CREBBP: variants seen among roughly 807,000 people sequenced by gnomAD.
CREBBP encodes CREB binding lysine acetyltransferase.
CREBBP carries 19 observed loss-of-function variants against 265.0 expected under a neutral mutation model. The observed-to-expected ratio is 0.07, with a 90% CI of 0.05 to 0.11. The LOEUF (loss-of-function observed/expected upper bound fraction) is 0.11. CREBBP is among the 10% of genes least tolerant of loss of function. CREBBP has a pLI of 1.00. For missense variants in CREBBP, 2,525 were observed against 3,219.0 expected, an observed-to-expected ratio of 0.78 and a Z score of 5.22; for synonymous variants, 1,457 against 1,223.7, an observed-to-expected ratio of 1.19 and a Z score of -3.98.
rs1281928020 is a variant in CREBBP, at chr16:3,880,005, G to T, written c.-89C>A. 1.7e-6 allele frequency: 2 copies of T among 1,199,846 alleles called. No homozygotes were observed. The highest frequency in any genetic ancestry group is 1.1e-6 in the Non-Finnish European group (1 of 911,746). The allele number at this position is 1,199,846 out of a possible 1,614,324, so 74.3% of individuals were successfully genotyped here. A position where few individuals can be genotyped will look rare whatever the true frequency, so the allele number is the denominator to read the frequency against. Reference sequence around the variant, plus strand: ...GGTCGGGGGCCCTGCCGGCTGCGAGGGAGAGGAGCGAGCGCGGGCCGCGAG... The same window carrying T: ...GGTCGGGGGCCCTGCCGGCTGCGAGTGAGAGGAGCGAGCGCGGGCCGCGAG... On this transcript the variant is annotated 5_prime_UTR_variant, in exon 1 of 31. Coordinates refer to ENST00000262367, the MANE Select transcript of CREBBP (RefSeq NM_004380.3).
At position 3,831,795 on chromosome 16, in the gene CREBBP, G is replaced by A. The variant is rs563921187; in HGVS notation, c.798+18502C>T. Reference sequence around the variant, plus strand: ...GCGGATCACTTGAGGTCAGGAGTTCGACACCAGCCTGGCCAACATGGCAAA... The same window carrying A: ...GCGGATCACTTGAGGTCAGGAGTTCAACACCAGCCTGGCCAACATGGCAAA... On this transcript the variant is annotated intron_variant, in intron 2 of 30. Transcript: ENST00000262367. 7.2e-5 allele frequency among the ~76,000 whole-genome samples: 11 copies of A among 152,162 alleles called. No homozygotes were observed. In the East Asian group the frequency reaches 7.7e-4, roughly 11 times the overall value.
chr16:3,728,795 C>T lies in CREBBP; in HGVS notation c.6252G>A (p.Gln2084=), dbSNP rs2051825096. The T allele has an allele frequency of 1.2e-6, 2 of 1,613,738 alleles. No homozygotes were observed. The highest frequency in any genetic ancestry group is 1.3e-5 in the African/African-American group (1 of 75,052). ...TTGATTTGAGAATGTTCAGCACCTG[C>T]TGTTGCTGCTGAGGGGAGCTGGGCG... The part of the protein sequence containing the change: ...LKSPSSPQQQ[Q]QVLNILKSNP... The change falls in exon 31 of 31, where the codon CAG becomes CAA. Residue 2084 remains glutamine (Q), a synonymous_variant. Transcript: ENST00000262367. This position sits in a 1 kb window ranked among gnomAD's most constrained non-coding sequence, Gnocchi z 8.7.
At chr16:3,876,688 A>G (rs1287155010) in intron 1 of CREBBP, among the ~76,000 whole-genome samples, 1 of 152,188 alleles carries the variant, frequency 6.6e-6, no homozygotes, top group Admixed American at 6.5e-5. Flanking sequence ...TGCTACTTTA[A>G]CATCTGAGGC....
In CREBBP at chr16:3,770,897, T is replaced by C. The variant is rs2052989574; in HGVS notation, c.2553A>G (p.Ser851=). ...SQLPCPPVTQ[S]PLHPTPPPAS... is the part of the protein sequence containing the mutation. ...CAGGAGGCGGTGTTGGGTGCAGTGG[T>C]GACTGTGTCACTGGAGGGCAAGGTA... Residue 851 remains serine, a synonymous_variant, in exon 14 of 31, where the codon TCA becomes TCG. Coordinates refer to ENST00000262367, the MANE Select transcript of CREBBP (RefSeq NM_004380.3). The C allele has an allele frequency of 1.2e-6, 2 of 1,613,658 alleles. No homozygotes were observed. Among genetic ancestry groups the C allele is most frequent in the Admixed American group, 1.7e-5 (1 of 59,978 alleles).
intron 2 of CREBBP, among the ~76,000 whole-genome samples, chr16:3,812,522 T>C (rs1041150758): frequency 4.6e-5 from 7 of 151,354 alleles, no homozygotes; most frequent in Non-Finnish European, 8.8e-5. Flanking sequence ...TAAAGTGCAC[T>C]GAAATCAAAT....
chr16:3,861,652 C>CAAAAAAAAA (rs368654449), intron 1 of CREBBP, among the ~76,000 whole-genome samples: 1 of 121,092 alleles, frequency 8.3e-6, no homozygotes, highest in Non-Finnish European at 1.8e-5. Context: ...CTCTCTATAC[C>CAAAAAAAAA]AAAAAAAAAA....
chr16:3,775,648 C>T (rs997604585), intron 11 of CREBBP, among the ~76,000 whole-genome samples: 2 of 152,176 alleles, frequency 1.3e-5, no homozygotes, highest in South Asian at 4.1e-4. Flanking sequence ...TGTAAGCTTC[C>T]CCACTCCTTG....
intron 21 of CREBBP, among the ~76,000 whole-genome samples, chr16:3,748,635 C>A (rs1272161371): frequency 6.6e-6 from 1 of 152,224 alleles, no homozygotes; most frequent in African/African-American, 2.4e-5. Flanking sequence ...GGCTGAGTCA[C>A]AGCCCACACT....
rs1567360633 is a variant in CREBBP at position 3,849,446 on chromosome 16, T to TGTG, written c.798+848_798+850dup. Among the ~76,000 whole-genome samples the TGTG allele has an allele frequency of 6.2e-3, 210 of 33,676 alleles. 15 individuals carry two copies. The highest frequency in any genetic ancestry group is 0.014 in the Non-Finnish European group (140 of 10,148). The allele number at this position is 33,676 out of a possible 152,430, so 22.1% of individuals were successfully genotyped here. A position where few individuals can be genotyped will look rare whatever the true frequency, so the allele number is the denominator to read the frequency against. On this transcript the variant is annotated intron_variant, in intron 2 of 30. Coordinates refer to ENST00000262367, the MANE Select transcript of CREBBP (RefSeq NM_004380.3). ...GTGTGTGTGTGTGTGTGTGTGTGTG[T>TGTG]GTGTGTGTGTGTGTGTGTGTGTGTG...
At chr16:3,824,667 C>T (rs550542805) in intron 2 of CREBBP, among the ~76,000 whole-genome samples, 70 of 151,874 alleles carry the variant, frequency 4.6e-4, no homozygotes, top group South Asian at 2.9e-3. Flanking sequence ...TTTGCCTCAC[C>T]GAGCCCACAC....
At position 3,727,022 on chromosome 16, in the gene CREBBP, A is replaced by G. The variant is rs576108743; in HGVS notation, c.*696T>C. 1 of 233,730 alleles carries G rather than the reference A, an allele frequency of 4.3e-6. No individual in the cohort carries two copies. The highest frequency in any genetic ancestry group is 1.8e-4 in the South Asian group (1 of 5,534). The allele number at this position is 233,730 out of a possible 1,614,324, so 14.5% of individuals were successfully genotyped here. A position where few individuals can be genotyped will look rare whatever the true frequency, so the allele number is the denominator to read the frequency against. ...AGGCTTCTTCTCTAGTAACATTAGC[A>G]TGGTCTAAGAGTGATCATCCCTATT... On this transcript the variant is annotated 3_prime_UTR_variant, in exon 31 of 31. Coordinates refer to ENST00000262367, the MANE Select transcript of CREBBP (RefSeq NM_004380.3).
intron 2 of CREBBP, among the ~76,000 whole-genome samples, chr16:3,819,135 A>G (rs910584259): frequency 6.6e-6 from 1 of 152,226 alleles, no homozygotes; most frequent in Non-Finnish European, 1.5e-5. Context: ...GAAAAAACCA[A>G]ATTTTTCTTA....
intron 2 of CREBBP, among the ~76,000 whole-genome samples, chr16:3,819,233 C>T (rs961126899): frequency 6.6e-6 from 1 of 152,220 alleles, no homozygotes; most frequent in African/African-American, 2.4e-5. Flanking sequence ...ATCTGAATGG[C>T]GACTCCACCA....
At chr16:3,747,611 T>C (rs1041378015) in intron 21 of CREBBP, among the ~76,000 whole-genome samples, 6 of 152,196 alleles carry the variant, frequency 3.9e-5, no homozygotes, top group Non-Finnish European at 7.3e-5. Context: ...CACTCATCCA[T>C]GTGTTCCCTC....
intron 16 of CREBBP, among the ~76,000 whole-genome samples, chr16:3,760,425 CAG>C (rs2052690295): frequency 1.1e-5 from 1 of 92,686 alleles, no homozygotes; most frequent in South Asian, 3.7e-4. Flanking sequence ...TTTTTTGAGA[CAG>C]AGTCTTGCTC....
intron 19 of CREBBP, among the ~76,000 whole-genome samples, chr16:3,753,067 T>C (rs1332459171): frequency 6.6e-6 from 1 of 152,198 alleles, no homozygotes; most frequent in East Asian, 1.9e-4. Context: ...TGCGGTTTAG[T>C]GCTCAAAACT....
intron 26 of CREBBP, chr16:3,737,083 T>C (rs2052080446): frequency 5.5e-6 from 3 of 545,786 alleles, no homozygotes; most frequent in Non-Finnish European, 9.9e-6. Flanking sequence ...TGAGGCCTCA[T>C]TAAAGAACCA....
chr16:3,729,838 T>G lies in CREBBP; in HGVS notation c.5209A>C (p.Ser1737Arg). ...CACTTCACCATCTTATGGGCATGGC[T>G]CTTCGTGTTATAGCAGTTGATGCAG... ...DLCINCYNTKSHAHKMVKWGL... is the reference protein window; with the variant it reads ...DLCINCYNTKRHAHKMVKWGL... Residue 1737 changes from serine to arginine, a missense_variant, in exon 31 of 31, where the codon AGC becomes CGC. Ser to Arg is a moderately radical substitution (Grantham distance 110). This residue lies in a region of CREBBP where 62 missense variants were observed against 156.2 expected (regional missense o/e 0.40). Transcript: ENST00000262367. 3 of 1,603,902 alleles carry G rather than the reference T, an allele frequency of 1.9e-6. No individual in the cohort carries two copies. Among genetic ancestry groups the G allele is most frequent in the Non-Finnish European group, 2.5e-6 (3 of 1,179,934 alleles).
chr16:3,852,981 A>G (rs80211774), intron 1 of CREBBP, among the ~76,000 whole-genome samples: 1 of 151,156 alleles, frequency 6.6e-6, no homozygotes, highest in East Asian at 1.9e-4. Context: ...AAAAAAAAAA[A>G]GCACAAAAAA....
Sources: gnomAD v4.1 joint callset for allele counts (sites outside exome capture counted in the v4.1 genomes callset) on GRCh38, gnomAD v4.1.1 for gene constraint, gnomAD v4.1.1 regional missense constraint, Gnocchi (gnomAD v3.1) non-coding constraint, MANE v1.5 for transcripts, NCBI Gene and HGNC (gene_info 2026-07-23, HGNC 2026-07-21) for gene names.